Variants in POFUT3 observed in about 807,000 individuals in gnomAD.
POFUT3 encodes protein O-fucosyltransferase 3.
chr8:33,419,110 T>C, the POFUT3 span, among the ~76,000 whole-genome samples: 2 of 152,184 alleles, frequency 1.3e-5, no homozygotes, highest in Non-Finnish European at 2.9e-5. Flanking sequence ...GGCTGTTTAA[T>C]TGGTACAAAC....
chr8:33,442,900 G>A, the POFUT3 span, among the ~76,000 whole-genome samples: 1 of 152,250 alleles, frequency 6.6e-6, no homozygotes, highest in African/African-American at 2.4e-5. Context: ...AAGGACACAG[G>A]CTTTGGTGAG....
the POFUT3 span, among the ~76,000 whole-genome samples, chr8:33,437,983 C>T: frequency 2.1e-4 from 32 of 152,192 alleles, no homozygotes; most frequent in African/African-American, 6.3e-4. Context: ...AATTTAGACA[C>T]CTGTACTCAG....
At chr8:33,309,163 A>T in the POFUT3 span, among the ~76,000 whole-genome samples, 7,976 of 66,870 alleles carry the variant, frequency 0.12, 479 homozygotes, top group East Asian at 0.26. Context: ...AAAAAAAAAA[A>T]AAAAATATAT....
At chr8:33,324,676 A>G in the POFUT3 span, among the ~76,000 whole-genome samples, 1 of 152,124 alleles carries the variant, frequency 6.6e-6, no homozygotes, top group Non-Finnish European at 1.5e-5. Flanking sequence ...AACATAGTGG[A>G]TGCATAACAA....
chr8:33,372,861 C>T, the POFUT3 span: 1 of 1,502,260 alleles, frequency 6.7e-7, no homozygotes, highest in Non-Finnish European at 9.1e-7. Flanking sequence ...AGCACAATTC[C>T]CTTAAAGCAA....
At chr8:33,412,896 G>C in the POFUT3 span, among the ~76,000 whole-genome samples, 2,880 of 152,272 alleles carry the variant, frequency 0.019, 97 homozygotes, top group African/African-American at 0.065. Flanking sequence ...CCCAAGTGCT[G>C]GGATTACAGG....
the POFUT3 span, among the ~76,000 whole-genome samples, chr8:33,318,685 ATTTTATATAT>A: frequency 2.7e-5 from 2 of 73,624 alleles, no homozygotes; most frequent in African/African-American, 1.2e-4. Context: ...TTGTATATAT[ATTTTATATAT>A]ATTTATATAA....
At chr8:33,421,993 T>C in the POFUT3 span, among the ~76,000 whole-genome samples, 2 of 79,584 alleles carry the variant, frequency 2.5e-5, no homozygotes, top group African/African-American at 1.6e-4. Context: ...AAATGGTTTT[T>C]GTCTAAAAAA....
chr8:33,367,035 G>A, the POFUT3 span, among the ~76,000 whole-genome samples: 1 of 152,106 alleles, frequency 6.6e-6, no homozygotes, highest in South Asian at 2.1e-4. Context: ...CCTGAGGTCA[G>A]GAGGTCGAGA....
chr8:33,387,216 T>C, the POFUT3 span, among the ~76,000 whole-genome samples: 1 of 152,170 alleles, frequency 6.6e-6, no homozygotes. Context: ...TAATATTTAG[T>C]GTTCATGTTG....
chr8:33,396,725 C>T, the POFUT3 span, among the ~76,000 whole-genome samples: 1 of 152,176 alleles, frequency 6.6e-6, no homozygotes, highest in African/African-American at 2.4e-5. Context: ...AATTCCTTCT[C>T]TGAGCTAAGA....
chr8:33,436,262 A>G, the POFUT3 span: 1 of 1,362,014 alleles, frequency 7.3e-7, no homozygotes, highest in Non-Finnish European at 1.0e-6. Flanking sequence ...ACAGCTCGGA[A>G]TTTCAGCCCA....
the POFUT3 span, chr8:33,394,160 G>A: frequency 1.8e-4 from 38 of 207,164 alleles, no homozygotes; most frequent in African/African-American, 5.2e-4. Flanking sequence ...ACTCCAGCCT[G>A]GGTGACAGAG....
At chr8:33,394,825 T>C in the POFUT3 span, among the ~76,000 whole-genome samples, 3 of 152,256 alleles carry the variant, frequency 2.0e-5, no homozygotes, top group Non-Finnish European at 4.4e-5. Context: ...CACCTGCCTT[T>C]CGGATTTAAA....
At chr8:33,395,657 T>C in the POFUT3 span, among the ~76,000 whole-genome samples, 3 of 152,118 alleles carry the variant, frequency 2.0e-5, no homozygotes, top group Non-Finnish European at 4.4e-5. Context: ...GCTGTCAAAC[T>C]GACTCTCCAC....
chr8:33,444,169 C>T, the POFUT3 span, among the ~76,000 whole-genome samples: 2 of 151,848 alleles, frequency 1.3e-5, no homozygotes, highest in Non-Finnish European at 2.9e-5. Context: ...GGTTTATGTC[C>T]TCAGAGTGGT....
At chr8:33,364,974 A>G in the POFUT3 span, among the ~76,000 whole-genome samples, 1 of 152,224 alleles carries the variant, frequency 6.6e-6, no homozygotes, top group Non-Finnish European at 1.5e-5. Flanking sequence ...CCAAAAGAAC[A>G]AAGCTGGAGG....
the POFUT3 span, among the ~76,000 whole-genome samples, chr8:33,325,211 C>T: frequency 2.0e-4 from 31 of 152,244 alleles, no homozygotes; most frequent in Non-Finnish European, 3.4e-4. Context: ...TTTTCACTAT[C>T]TCTGTGTCTT....
chr8:33,313,650 C>T, the POFUT3 span, among the ~76,000 whole-genome samples: 4 of 152,142 alleles, frequency 2.6e-5, no homozygotes, highest in African/African-American at 9.7e-5. Flanking sequence ...ATGGAACCAT[C>T]ACCTCTGACA....
Sources: allele counts gnomAD v4.1 joint callset (sites outside exome capture counted in the v4.1 genomes callset), GRCh38; gene constraint gnomAD v4.1.1; transcripts MANE v1.5; gene names NCBI Gene and HGNC (gene_info 2026-07-23, HGNC 2026-07-21).